Variants in NEK7 observed in about 807,000 individuals in gnomAD.
NEK7 encodes serine/threonine-protein kinase Nek7.
In NEK7, 18 loss-of-function variants were observed where a neutral mutation model predicts 44.6. The ratio of observed to expected loss-of-function variants is 0.40; its 90% CI spans 0.28 to 0.60. The LOEUF (loss-of-function observed/expected upper bound fraction) is 0.60, where lower values mean the gene tolerates loss of function less well. Among genes scored for constraint, NEK7 ranks in the 20% least tolerant of loss-of-function variants. NEK7 has a pLI of 0.38. For missense variants in NEK7, 256 were observed against 366.5 expected (o/e 0.70, Z 2.46); for synonymous variants, 130 against 121.1 (o/e 1.07, Z -0.48).
At chr1:198,281,080 T>G (rs1223614862) in intron 7 of NEK7, among the ~76,000 whole-genome samples, 3 of 151,916 alleles carry the variant, frequency 2.0e-5, no homozygotes, top group Non-Finnish European at 4.4e-5. Context: ...TAATTAAAAT[T>G]TGGACTCCAG....
At chr1:198,304,676 C>A (rs1161639829) in intron 9 of NEK7, among the ~76,000 whole-genome samples, 1 of 152,190 alleles carries the variant, frequency 6.6e-6, no homozygotes, top group African/African-American at 2.4e-5. Context: ...ACCCTGACAA[C>A]AATGACTGTT....
intron 1 of NEK7, among the ~76,000 whole-genome samples, chr1:198,180,000 CCACT>C (rs1462902114): frequency 1.3e-5 from 2 of 151,960 alleles, no homozygotes; most frequent in Non-Finnish European, 2.9e-5. Flanking sequence ...AAATTATTTC[CCACT>C]CACTCCACTG....
At chr1:198,311,611 C>T (rs1292722350) in intron 9 of NEK7, among the ~76,000 whole-genome samples, 6 of 152,108 alleles carry the variant, frequency 3.9e-5, no homozygotes, top group African/African-American at 1.4e-4. Context: ...AGATATGTCC[C>T]ATCAATACCT....
chr1:198,254,800 A>G (rs1653194948), intron 3 of NEK7, among the ~76,000 whole-genome samples: 1 of 152,158 alleles, frequency 6.6e-6, no homozygotes, highest in South Asian at 2.1e-4. Context: ...TAAGAATTGC[A>G]GTCTTCTCTG....
At chr1:198,302,776 A>G (rs968259146) in intron 9 of NEK7, among the ~76,000 whole-genome samples, 2 of 152,144 alleles carry the variant, frequency 1.3e-5, no homozygotes, top group Non-Finnish European at 2.9e-5. Flanking sequence ...AAGAAGGGCA[A>G]TGTCATCATT....
rs576459120 is a variant in NEK7, at chr1:198,239,346, GCCATTTGTTGATTATAA to G, written c.57+6714_57+6730del. On this transcript the variant is annotated intron_variant, in intron 2 of 9. Coordinates refer to ENST00000367385, the MANE Select transcript of NEK7 (RefSeq NM_133494.3). ...ATTTCGAATTTTGGACTCAGATTCA[GCCATTTGTTGATTATAA>G]CCATGCTTTTTTCATCTCCAAGGTG... 1.6e-4 allele frequency among the ~76,000 whole-genome samples: 24 copies of G among 152,138 alleles called. No individual in the cohort carries two copies. In the East Asian group the frequency reaches 4.6e-3, roughly 29 times the overall value.
chr1:198,280,102 A>G (rs958828485), intron 7 of NEK7, among the ~76,000 whole-genome samples: 2 of 152,018 alleles, frequency 1.3e-5, no homozygotes, highest in Non-Finnish European at 2.9e-5. Flanking sequence ...TTATTTTCAT[A>G]GAGCGTTATA....
chr1:198,271,907 A>ATT (rs1387883551), intron 5 of NEK7, among the ~76,000 whole-genome samples: 2 of 78,226 alleles, frequency 2.6e-5, no homozygotes, highest in Admixed American at 1.8e-4. Context: ...TTTATATTTT[A>ATT]TATATATATA....
chr1:198,178,971 GCATTTGATAC>G (rs1276817873), intron 1 of NEK7, among the ~76,000 whole-genome samples: 1 of 150,436 alleles, frequency 6.6e-6, no homozygotes, highest in Non-Finnish European at 1.5e-5. Context: ...GAATAGAAAA[GCATTTGATAC>G]CATTTGATAC....
intron 1 of NEK7, among the ~76,000 whole-genome samples, chr1:198,195,587 G>A (rs570728956): frequency 3.7e-4 from 56 of 152,128 alleles, no homozygotes; most frequent in Non-Finnish European, 5.9e-4. Flanking sequence ...TTGGGAGGCC[G>A]AGGTGGCCGG....
intron 1 of NEK7, among the ~76,000 whole-genome samples, chr1:198,159,373 G>A (rs1443375164): frequency 6.6e-6 from 1 of 152,218 alleles, no homozygotes; most frequent in African/African-American, 2.4e-5. Context: ...CCCGTTTCGT[G>A]ATTCAGCTGC....
chr1:198,234,864 C>T (rs1313089639), intron 2 of NEK7, among the ~76,000 whole-genome samples: 2 of 152,190 alleles, frequency 1.3e-5, no homozygotes, highest in Non-Finnish European at 2.9e-5. Flanking sequence ...TCTGCATTCA[C>T]ACTGATGGTG....
At chr1:198,202,557 A>T (rs1186733625) in intron 1 of NEK7, among the ~76,000 whole-genome samples, 1 of 152,186 alleles carries the variant, frequency 6.6e-6, no homozygotes, top group Non-Finnish European at 1.5e-5. Flanking sequence ...TGCTTTTCTC[A>T]GAATCTCTCT....
chr1:198,212,891 A>G (rs1247378222), intron 1 of NEK7, among the ~76,000 whole-genome samples: 13 of 152,106 alleles, frequency 8.5e-5, no homozygotes. Flanking sequence ...GACCTCAGCT[A>G]TCATCATTGC....
In NEK7 at chr1:198,253,045, C is replaced by G. The variant is rs1052541549; in HGVS notation, c.63C>G (p.Ala21=). 35 of 1,604,360 alleles carry G rather than the reference C, an allele frequency of 2.2e-5. No individual in the cohort carries two copies. The highest frequency in any genetic ancestry group is 5.4e-5 in the African/African-American group (4 of 74,334). ...PPVPQFQPQK[A]LRPDMGYNTL... is the part of the protein sequence containing the mutation. ...TCTGACATTTTTAATTACAGAAGGC[C>G]TTACGACCGGATATGGGCTATAATA... The change falls in exon 3 of 10, where the codon GCC becomes GCG. Residue 21 remains alanine (A), a synonymous_variant. Transcript: ENST00000367385.
At chr1:198,252,340 A>G (rs906342124) in intron 2 of NEK7, among the ~76,000 whole-genome samples, 53 of 151,688 alleles carry the variant, frequency 3.5e-4, no homozygotes, top group Middle Eastern at 7.0e-3. Context: ...GCTGAAAAAA[A>G]TGTATATTCT....
chr1:198,229,314 A>G (rs1463840467), intron 1 of NEK7, among the ~76,000 whole-genome samples: 1 of 152,150 alleles, frequency 6.6e-6, no homozygotes, highest in African/African-American at 2.4e-5. Context: ...TACTTGCCCC[A>G]TGCATCTCTC....
chr1:198,189,564 C>A (rs1399038606), intron 1 of NEK7, among the ~76,000 whole-genome samples: 3 of 152,014 alleles, frequency 2.0e-5, no homozygotes, highest in Non-Finnish European at 4.4e-5. Context: ...AATTTTCGGC[C>A]TGGGTTGAAC....
intron 2 of NEK7, among the ~76,000 whole-genome samples, chr1:198,240,932 A>T (rs1666668021): frequency 6.6e-6 from 1 of 152,152 alleles, no homozygotes; most frequent in African/African-American, 2.4e-5. Flanking sequence ...TAACCTTGTG[A>T]TCCACCCGCC....
Sources: gnomAD v4.1 joint callset for allele counts (sites outside exome capture counted in the v4.1 genomes callset) on GRCh38, gnomAD v4.1.1 for gene constraint, MANE v1.5 for transcripts, NCBI Gene and HGNC (gene_info 2026-07-23, HGNC 2026-07-21) for gene names.